The following ATP6V1E2 variants were observed in gnomAD, a reference collection of about 807,000 sequenced individuals.
ATP6V1E2 encodes V-type proton ATPase subunit E 2.
For missense variants in ATP6V1E2, 308 were observed against 273.3 expected (o/e 1.13, Z -0.90); for synonymous variants, 121 against 104.2 (o/e 1.16, Z -0.98).
intron 4 of ATP6V1E2, among the ~76,000 whole-genome samples, chr2:46,523,227 C>T (rs570543606): frequency 8.5e-4 from 129 of 152,276 alleles, no homozygotes; most frequent in African/African-American, 3.1e-3. Flanking sequence ...TGTGCAGAAG[C>T]TCTTTAGTTT....
At position 46,530,040 on chromosome 2, in the gene ATP6V1E2, G is replaced by A. The variant is rs142538780; in HGVS notation, c.-102+5773C>T. 6.6e-6 allele frequency among the ~76,000 whole-genome samples: 1 copy of A among 152,234 alleles called. No homozygotes were observed. Among genetic ancestry groups the A allele is most frequent in the Non-Finnish European group, 1.5e-5 (1 of 68,012 alleles). On this transcript the variant is annotated intron_variant, in intron 4 of 4. Coordinates refer to ENST00000522587, the MANE Select transcript of ATP6V1E2 (RefSeq NM_001318063.2). The surrounding 1 kb of genome is among the most constrained non-coding windows in gnomAD (Gnocchi z 5.2). ...CCTGTCCTGTTACATTGTTGCAAAG[G>A]GGGTTGAAGGATATCCCTGACTGTA...
chr2:46,537,847 G>C (rs1667526725), intron 2 of ATP6V1E2, among the ~76,000 whole-genome samples: 1 of 152,092 alleles, frequency 6.6e-6, no homozygotes, highest in Non-Finnish European at 1.5e-5. Context: ...CTGTCCTCTA[G>C]AGTTCTAATC....
chr2:46,521,815 C>T (rs750724123), intron 4 of ATP6V1E2, among the ~76,000 whole-genome samples: 2 of 152,008 alleles, frequency 1.3e-5, no homozygotes, highest in Non-Finnish European at 2.9e-5. Context: ...CTCAGCCTCC[C>T]GAGTAGTTGG....
chr2:46,512,672 G>A lies in ATP6V1E2; in HGVS notation c.40C>T (p.His14Tyr), dbSNP rs769209771. The A allele has an allele frequency of 1.2e-6, 2 of 1,613,936 alleles. No individual in the cohort carries two copies. The highest frequency in any genetic ancestry group is 8.5e-7 in the Non-Finnish European group (1 of 1,179,986). Residue 14 changes from histidine to tyrosine, a missense_variant, in exon 5 of 5, where the codon CAC (histidine) becomes TAC (tyrosine). Coordinates refer to ENST00000522587, the MANE Select transcript of ATP6V1E2 (RefSeq NM_001318063.2). ...SDVDVKKQIK[H>Y]MMAFIEQEAN... Reference sequence around the variant, plus strand: ...TCCTGCTCAATGAAAGCCATCATGTGCTTAATCTGCTTTTTCACATCGACA... The same window carrying A: ...TCCTGCTCAATGAAAGCCATCATGTACTTAATCTGCTTTTTCACATCGACA...
chr2:46,518,526 A>ACACACACACACACACAG (rs59512948), intron 4 of ATP6V1E2, among the ~76,000 whole-genome samples: 1 of 90,640 alleles, frequency 1.1e-5, no homozygotes, highest in African/African-American at 3.6e-5. Context: ...CACACACACA[A>ACACACACACACACACAG]ATGCTATCCC....
chr2:46,525,410 C>G (rs1022121660), intron 4 of ATP6V1E2, among the ~76,000 whole-genome samples: 1 of 145,674 alleles, frequency 6.9e-6, no homozygotes, highest in African/African-American at 2.6e-5. Context: ...TGCAGTGAGC[C>G]GAGATCGCGC....
intron 3 of ATP6V1E2, among the ~76,000 whole-genome samples, chr2:46,536,131 G>A (rs1174072584): frequency 6.6e-6 from 1 of 152,194 alleles, no homozygotes; most frequent in Non-Finnish European, 1.5e-5. Context: ...ACCTTAGGTT[G>A]CAGCAGAAAA....
chr2:46,525,685 A>T (rs943478818), intron 4 of ATP6V1E2, among the ~76,000 whole-genome samples: 1 of 152,154 alleles, frequency 6.6e-6, no homozygotes, highest in Non-Finnish European at 1.5e-5. Flanking sequence ...CTCCACTCAC[A>T]CTGGCAAAGC....
chr2:46,527,783 T>C (rs1666996088), intron 4 of ATP6V1E2: 1 of 152,246 alleles, frequency 6.6e-6, no homozygotes. Flanking sequence ...TGATAAGTGA[T>C]ATTAAGCATC....
chr2:46,520,240 C>T (rs879776361), intron 4 of ATP6V1E2, among the ~76,000 whole-genome samples: 2 of 152,200 alleles, frequency 1.3e-5, no homozygotes, highest in Admixed American at 1.3e-4. Flanking sequence ...TGCAGGAAAG[C>T]GTGTGCCCAT....
At chr2:46,514,567 T>C (rs1314244604) in intron 4 of ATP6V1E2, among the ~76,000 whole-genome samples, 1 of 151,998 alleles carries the variant, frequency 6.6e-6, no homozygotes, top group African/African-American at 2.4e-5. Flanking sequence ...AAAAGATCAG[T>C]GAGCTTGAAG....
At chr2:46,521,011 T>TC (rs1187567971) in intron 4 of ATP6V1E2, among the ~76,000 whole-genome samples, 2 of 152,176 alleles carry the variant, frequency 1.3e-5, no homozygotes, top group Non-Finnish European at 2.9e-5. Context: ...CCCAGAAGCC[T>TC]CTCCATATGA....
chr2:46,513,336 CATG>C (rs1232321994), intron 4 of ATP6V1E2, among the ~76,000 whole-genome samples: 1 of 152,182 alleles, frequency 6.6e-6, no homozygotes, highest in Non-Finnish European at 1.5e-5. Flanking sequence ...TGTAACCTAA[CATG>C]AGATTCATCC....
intron 4 of ATP6V1E2, among the ~76,000 whole-genome samples, chr2:46,531,405 A>G (rs1050939877): frequency 5.3e-5 from 8 of 152,184 alleles, no homozygotes; most frequent in Admixed American, 3.3e-4. Flanking sequence ...GTATCCATAT[A>G]CCACAATTTA....
chr2:46,523,072 C>A (rs1490102125), intron 4 of ATP6V1E2, among the ~76,000 whole-genome samples: 2 of 151,882 alleles, frequency 1.3e-5, no homozygotes, highest in Non-Finnish European at 2.9e-5. Context: ...ATCCTTTGCC[C>A]ACTTTTTGAT....
At chr2:46,516,085 AT>A (rs1687699276) in intron 4 of ATP6V1E2, among the ~76,000 whole-genome samples, 1 of 152,254 alleles carries the variant, frequency 6.6e-6, no homozygotes, top group African/African-American at 2.4e-5. Flanking sequence ...ATAGTAGGAA[AT>A]TTCAATACCC....
At chr2:46,527,846 A>G (rs373036701) in intron 4 of ATP6V1E2, 9 of 152,312 alleles carry the variant, frequency 5.9e-5, no homozygotes, top group African/African-American at 2.2e-4. Context: ...CTGTCTACTC[A>G]AGTTCTTTGC....
rs112379950 is a variant in ATP6V1E2 at position 46,540,806 on chromosome 2, T to C, written c.-310+584A>G. ...GTGGGATCAGCTCCAGAGCTCTAAG[T>C]ATTCCTGGCAGTCAGTTTTGGCAAC... is the stretch of plus-strand genomic sequence containing the variant. On this transcript the variant is annotated intron_variant, in intron 2 of 4. Transcript: ENST00000522587. Among the ~76,000 whole-genome samples, 488 of 152,076 alleles carry C rather than the reference T, an allele frequency of 3.2e-3. 5 individuals are homozygous for C. The highest frequency in any genetic ancestry group is 0.011 in the African/African-American group (463 of 41,464).
intron 4 of ATP6V1E2, among the ~76,000 whole-genome samples, chr2:46,520,439 C>T (rs1666558218): frequency 1.3e-5 from 2 of 152,370 alleles, no homozygotes; most frequent in South Asian, 4.1e-4. Context: ...GCACCCACTC[C>T]GCCTGTGCTG....
Sources: allele counts gnomAD v4.1 joint callset (sites outside exome capture counted in the v4.1 genomes callset), GRCh38; gene constraint gnomAD v4.1.1; non-coding constraint Gnocchi (gnomAD v3.1); transcripts MANE v1.5; gene names NCBI Gene and HGNC (gene_info 2026-07-23, HGNC 2026-07-21).